INHBC: variants seen among roughly 807,000 people sequenced by gnomAD.
INHBC encodes the protein inhibin subunit beta C.
INHBC carries 10 observed loss-of-function variants against 12.4 expected under a neutral mutation model. That is an observed-to-expected ratio of 0.81 (90% CI 0.50 to 1.37). The LOEUF (loss-of-function observed/expected upper bound fraction) is 1.37. Ranked by LOEUF, INHBC falls within the 40% of genes most tolerant of loss-of-function variation. The probability of loss-of-function intolerance (pLI) is 0.00; values close to 1 mark genes in which losing one functional copy is unlikely to be tolerated. For synonymous variants in INHBC, 147 were observed against 171.6 expected, an observed-to-expected ratio of 0.86 and a Z score of 1.12; for missense variants, 382 against 439.4, an observed-to-expected ratio of 0.87 and a Z score of 1.17.
chr12:57,444,737 G>A (rs1202531326), intron 1 of INHBC, among the ~76,000 whole-genome samples: 1 of 151,942 alleles, frequency 6.6e-6, no homozygotes, highest in Non-Finnish European at 1.5e-5. Flanking sequence ...AGAGTGCAGT[G>A]GCATGATCTT....
At chr12:57,438,575 A>G (rs1462690490) in intron 1 of INHBC, among the ~76,000 whole-genome samples, 1 of 152,176 alleles carries the variant, frequency 6.6e-6, no homozygotes, top group Non-Finnish European at 1.5e-5. Context: ...CAATGTGTAA[A>G]TTATTCTCAA....
intron 1 of INHBC, among the ~76,000 whole-genome samples, chr12:57,438,011 C>T (rs1030019771): frequency 5.3e-5 from 8 of 152,106 alleles, no homozygotes; most frequent in Non-Finnish European, 1.2e-4. Context: ...GTCTCGAACT[C>T]CTGACCCCAA....
chr12:57,440,189 A>G (rs1401496248), intron 1 of INHBC, among the ~76,000 whole-genome samples: 1 of 152,208 alleles, frequency 6.6e-6, no homozygotes, highest in Non-Finnish European at 1.5e-5. Flanking sequence ...TCTTTCCTCT[A>G]CATGTACAAC....
intron 1 of INHBC, among the ~76,000 whole-genome samples, chr12:57,445,830 C>G (rs1870564578): frequency 6.6e-6 from 1 of 150,498 alleles, no homozygotes; most frequent in African/African-American, 2.4e-5. Context: ...ACTGCAACCT[C>G]TGCCTCGCAG....
Position 57,449,504 on chromosome 12 carries a change from C to G in INHBC, c.541C>G (p.Pro181Ala), listed in dbSNP as rs1780530443. ...EVDASGWHQL[P>A]LGPEAQAACS... is the part of the protein sequence containing the mutation. ...GGATGCCAGTGGCTGGCATCAACTC[C>G]CCCTAGGGCCTGAAGCTCAAGCTGC... The change falls in exon 2 of 2, where the codon CCC becomes GCC. Residue 181 changes from proline to alanine, a missense_variant. Transcript: ENST00000309668. 2 of 1,614,040 alleles carry G rather than the reference C, an allele frequency of 1.2e-6. No homozygotes were observed. The highest frequency in any genetic ancestry group is 1.7e-6 in the Non-Finnish European group (2 of 1,180,012).
Position 57,450,302 on chromosome 12 carries a change from A to G in INHBC, c.*280A>G, listed in dbSNP as rs369027315. 37 of 289,380 alleles carry G rather than the reference A, an allele frequency of 1.3e-4. No homozygotes were observed. In the East Asian group the frequency reaches 2.0e-3, roughly 16 times the overall value. The allele number at this position is 289,380 out of a possible 1,614,324, so 17.9% of individuals were successfully genotyped here. On this transcript the variant is annotated 3_prime_UTR_variant, in exon 2 of 2. Coordinates refer to ENST00000309668, the MANE Select transcript of INHBC (RefSeq NM_005538.4). ...CTCCAGGGACTCAGACCCATCTCCAACCATGAGCAATGCCATCTGGTTCCC... is the reference window on the plus strand; with the variant it reads ...CTCCAGGGACTCAGACCCATCTCCAGCCATGAGCAATGCCATCTGGTTCCC...
chr12:57,447,912 TATATATATATAA>T lies in INHBC; in HGVS notation c.314-1363_314-1352del, dbSNP rs1192543513. ...AAAAAAATATATATATATATATATA[TATATATATATAA>T]AATATATGTGTGTGTGCTTGTGTTT... On this transcript the variant is annotated intron_variant, in intron 1 of 1. Coordinates refer to ENST00000309668, the MANE Select transcript of INHBC (RefSeq NM_005538.4). Among the ~76,000 whole-genome samples, 12 of 97,704 alleles carry T rather than the reference TATATATATATAA, an allele frequency of 1.2e-4. No individual in the cohort carries two copies. The South Asian group carries it at 3.9e-3, about 32-fold the overall frequency. The allele number at this position is 97,704 out of a possible 152,430, so 64.1% of individuals were successfully genotyped here. A position where few individuals can be genotyped will look rare whatever the true frequency, so the allele number is the denominator to read the frequency against.
At chr12:57,443,952 C>T (rs556905319) in intron 1 of INHBC, among the ~76,000 whole-genome samples, 8 of 152,144 alleles carry the variant, frequency 5.3e-5, no homozygotes, top group African/African-American at 1.9e-4. Context: ...CCACACTCGG[C>T]TAATTTTTGT....
rs540854257 is a variant in INHBC at position 57,448,213 on chromosome 12, T to A, written c.314-1064T>A. On this transcript the variant is annotated intron_variant, in intron 1 of 1. Transcript: ENST00000309668. ...GCTTGGTGATTTCCAAATCTATATG[T>A]CCGGTCCAAATATGCAAAATGCTCT... Among the ~76,000 whole-genome samples, 27 of 151,998 alleles carry A rather than the reference T, an allele frequency of 1.8e-4. No homozygotes were observed. In the East Asian group the frequency reaches 2.7e-3, roughly 15 times the overall value.
In INHBC at chr12:57,443,371, G is replaced by A. The variant is rs563670788; in HGVS notation, c.314-5906G>A. 4.6e-5 allele frequency among the ~76,000 whole-genome samples: 7 copies of A among 151,722 alleles called. No individual in the cohort carries two copies. The South Asian group carries it at 6.2e-4, about 14-fold the overall frequency. ...ATGATCTCAGCTCACCGCAACCTCC[G>A]ACTCCCAGGTTCAAGCAATTCTCCT... On this transcript the variant is annotated intron_variant, in intron 1 of 1. Transcript: ENST00000309668.
At chr12:57,447,893 ATATATATATATATATATATATATATATAT>A (rs1870620806) in intron 1 of INHBC, among the ~76,000 whole-genome samples, 1 of 20,328 alleles carries the variant, frequency 4.9e-5, no homozygotes. Flanking sequence ...AAAAAAAAAA[ATATATATATATATATATATATATATATAT>A]AAAATATATG....
intron 1 of INHBC, among the ~76,000 whole-genome samples, chr12:57,443,187 G>A (rs534763095): frequency 2.5e-4 from 32 of 126,920 alleles, no homozygotes; most frequent in South Asian, 1.3e-3. Flanking sequence ...GTGCGACCTC[G>A]GCTCACTGCA....
chr12:57,447,434 C>T (rs1164180709), intron 1 of INHBC, among the ~76,000 whole-genome samples: 4 of 151,784 alleles, frequency 2.6e-5, no homozygotes, highest in African/African-American at 9.7e-5. Flanking sequence ...ATCCACCTGC[C>T]TCAGCCTCCC....
chr12:57,450,079 T>G lies in INHBC; in HGVS notation c.*57T>G. ...ATGGGAAAACACGCCCCTACAGAAG[T>G]GCACTTCCTTGAGAGGAGGGAATGA... On this transcript the variant is annotated 3_prime_UTR_variant, in exon 2 of 2. Transcript: ENST00000309668. 1 of 1,455,174 alleles carries G rather than the reference T, an allele frequency of 6.9e-7. No homozygotes were observed. The highest frequency in any genetic ancestry group is 9.0e-7 in the Non-Finnish European group (1 of 1,107,470). The allele number at this position is 1,455,174 out of a possible 1,614,324, so 90.1% of individuals were successfully genotyped here.
Position 57,449,615 on chromosome 12 carries a change from A to C in INHBC, c.652A>C (p.Arg218=). ...SSVILGGAAH[R]PFVAARVRVG... Reference sequence around the variant, plus strand: ...AGTCATCCTGGGTGGAGCTGCCCATAGGCCTTTTGTGGCAGCCCGGGTGAG... The same window carrying C: ...AGTCATCCTGGGTGGAGCTGCCCATCGGCCTTTTGTGGCAGCCCGGGTGAG... Residue 218 remains arginine, a synonymous_variant, in exon 2 of 2, where the codon AGG becomes CGG. Coordinates refer to ENST00000309668, the MANE Select transcript of INHBC (RefSeq NM_005538.4). 2 of 1,614,244 alleles carry C rather than the reference A, an allele frequency of 1.2e-6. No homozygotes were observed. The highest frequency in any genetic ancestry group is 1.7e-6 in the Non-Finnish European group (2 of 1,180,034).
At chr12:57,440,018 G>A (rs554087246) in intron 1 of INHBC, among the ~76,000 whole-genome samples, 1 of 152,234 alleles carries the variant, frequency 6.6e-6, no homozygotes, top group African/African-American at 2.4e-5. Flanking sequence ...GCTAACAAAA[G>A]GTTTTATAGC....
At position 57,450,069 on chromosome 12, in the gene INHBC, C is replaced by T. The variant is rs371729572; in HGVS notation, c.*47C>T. The stretch of plus-strand genomic sequence containing the variant: ...CCAAGGTTGCATGGGAAAACACGCC[C>T]CTACAGAAGTGCACTTCCTTGAGAG... On this transcript the variant is annotated 3_prime_UTR_variant, in exon 2 of 2. Coordinates refer to ENST00000309668, the MANE Select transcript of INHBC (RefSeq NM_005538.4). The T allele has an allele frequency of 8.9e-6, 13 of 1,466,886 alleles. No individual in the cohort carries two copies. In the East Asian group the frequency reaches 1.7e-4, roughly 19 times the overall value. 90.9% of individuals were successfully genotyped at this position (1,466,886 alleles called of 1,614,324 possible).
chr12:57,449,708 C>G lies in INHBC; in HGVS notation c.745C>G (p.Arg249Gly), dbSNP rs537080352. ...CCAAGGAGGGTCCAGGATGTGCTGT[C>G]GACAAGAGTTTTTTGTGGACTTCCG... ...DCQGGSRMCC[R>G]QEFFVDFREI... Residue 249 changes from arginine to glycine, a missense_variant, in exon 2 of 2, where the codon CGA becomes GGA. Physicochemically the swap from Arg to Gly is moderately radical, Grantham distance 125. Coordinates refer to ENST00000309668, the MANE Select transcript of INHBC (RefSeq NM_005538.4). 9.3e-6 allele frequency: 15 copies of G among 1,614,226 alleles called. No individual in the cohort carries two copies. The Admixed American group carries it at 1.3e-4, about 14-fold the overall frequency.
At chr12:57,448,815 C>T (rs1035885563) in intron 1 of INHBC, among the ~76,000 whole-genome samples, 3 of 152,114 alleles carry the variant, frequency 2.0e-5, no homozygotes, top group Non-Finnish European at 2.9e-5. Flanking sequence ...TGTCTTAGTC[C>T]GTTTTGTGCT....
Sources: allele counts gnomAD v4.1 joint callset (sites outside exome capture counted in the v4.1 genomes callset), GRCh38; gene constraint gnomAD v4.1.1; transcripts MANE v1.5; gene names NCBI Gene and HGNC (gene_info 2026-07-23, HGNC 2026-07-21).